FRMD4B: variants seen among roughly 807,000 people sequenced by gnomAD.
The protein encoded by FRMD4B is FERM domain containing 4B.
In FRMD4B, 74 loss-of-function variants were observed where a neutral mutation model predicts 141.5. That is an observed-to-expected ratio of 0.52 (90% CI 0.43 to 0.63). The LOEUF is 0.63. Among genes scored for constraint, FRMD4B ranks in the 30% least tolerant of loss-of-function variants. FRMD4B has a pLI of 0.00. For missense variants in FRMD4B, 1,366 were observed against 1,253.4 expected, an observed-to-expected ratio of 1.09 and a Z score of -1.36; for synonymous variants, 506 against 467.9, an observed-to-expected ratio of 1.08 and a Z score of -1.05.
At chr3:69,351,991 T>C (rs967429445) in intron 1 of FRMD4B, among the ~76,000 whole-genome samples, 12 of 152,222 alleles carry the variant, frequency 7.9e-5, no homozygotes, top group African/African-American at 2.7e-4. Flanking sequence ...ATAGTACCTG[T>C]CTGCAGCAAC....
intron 22 of FRMD4B, 37 bp downstream of exon 22, chr3:69,176,487 A>C (rs2092647608): frequency 6.4e-7 from 1 of 1,574,344 alleles, no homozygotes; most frequent in Non-Finnish European, 8.7e-7. Context: ...TTTGAACTGG[A>C]ACAGGCTCCT....
intron 1 of FRMD4B, among the ~76,000 whole-genome samples, chr3:69,322,266 T>G (rs759321713): frequency 6.6e-6 from 1 of 152,162 alleles, no homozygotes; most frequent in East Asian, 1.9e-4. Flanking sequence ...CAACCCTAGC[T>G]GAACAGGGCC....
intron 7 of FRMD4B, among the ~76,000 whole-genome samples, chr3:69,226,744 G>A (rs1026287134): frequency 2.6e-5 from 4 of 152,140 alleles, no homozygotes; most frequent in African/African-American, 9.7e-5. Context: ...TATGTAGAAC[G>A]AGTGTCATAT....
At chr3:69,403,745 A>C (rs2106758912) in intron 2 of FRMD4B, among the ~76,000 whole-genome samples, 1 of 152,326 alleles carries the variant, frequency 6.6e-6, no homozygotes, top group East Asian at 1.9e-4. Flanking sequence ...TACTCCACTT[A>C]TGAAGTATAG....
At chr3:69,217,115 C>T (rs4241386) in intron 10 of FRMD4B, among the ~76,000 whole-genome samples, 148,531 of 152,312 alleles carry the variant, frequency 0.98, 72,542 homozygotes, top group Middle Eastern at 1. Flanking sequence ...ACAATGAACA[C>T]GGGAATATCG....
intron 1 of FRMD4B, among the ~76,000 whole-genome samples, chr3:69,455,997 A>AT (rs1258952815): frequency 3.9e-5 from 6 of 152,152 alleles, no homozygotes; most frequent in African/African-American, 1.4e-4. Context: ...TTGAGGCTTA[A>AT]TTCAGATTAT....
chr3:69,314,173 A>AAAAT (rs1701717604), intron 1 of FRMD4B, among the ~76,000 whole-genome samples: 1 of 107,110 alleles, frequency 9.3e-6, no homozygotes. Context: ...AAAAAAAAAA[A>AAAAT]GCCTCTCCAT....
Position 69,240,585 on chromosome 3 carries a change from T to A in FRMD4B, c.581+8641A>T, listed in dbSNP as rs564308627. Among the ~76,000 whole-genome samples, 40 of 152,236 alleles carry A rather than the reference T, an allele frequency of 2.6e-4. 1 individual carries two copies. Among genetic ancestry groups the A allele is most frequent in the Non-Finnish European group, 2.6e-4 (18 of 68,006 alleles). ...GGAAAGTCAAAGAAATGTGTTTCTC[T>A]TCTGGGAAACTTCCTACTAGACAAG... On this transcript the variant is annotated intron_variant, in intron 7 of 22. Transcript: ENST00000398540.
Position 69,313,585 on chromosome 3 carries a change from T to C in FRMD4B, c.163-68A>G, listed in dbSNP as rs375492898. ...GGCAAGCAAACCTTTGGACTCGTTG[T>C]ATCATTTATTTTATATGAGATGGGC... On this transcript the variant is annotated intron_variant, in intron 1 of 22. Transcript: ENST00000398540. 6.4e-6 allele frequency: 6 copies of C among 942,178 alleles called. No homozygotes were observed. The African/African-American group carries it at 8.2e-5, about 13-fold the overall frequency. 58.4% of individuals were successfully genotyped at this position (942,178 alleles called of 1,614,324 possible).
chr3:69,231,821 A>T (rs1305878506), intron 7 of FRMD4B, among the ~76,000 whole-genome samples: 1 of 152,202 alleles, frequency 6.6e-6, no homozygotes, highest in Admixed American at 6.5e-5. Flanking sequence ...ACACTGGCAT[A>T]TTATTATAGA....
chr3:69,182,714 T>C lies in FRMD4B; in HGVS notation c.1923A>G (p.Glu641=). ...AAGGGCTGCTGTGTGTGGACAGCATTTCTCTGTGATGATAAAAAGAAGAAT... is the reference window on the plus strand; with the variant it reads ...AAGGGCTGCTGTGTGTGGACAGCATCTCTCTGTGATGATAAAAAGAAGAAT... ...EQFVDTRQSR[E]MLSTHSSPYK... The change falls in exon 20 of 23, where the codon GAA becomes GAG. Residue 641 remains glutamate (E), a synonymous_variant. Coordinates refer to ENST00000398540, the MANE Select transcript of FRMD4B (RefSeq NM_015123.3). 6.2e-7 allele frequency: 1 copy of C among 1,610,938 alleles called. No individual in the cohort carries two copies. The highest frequency in any genetic ancestry group is 8.5e-7 in the Non-Finnish European group (1 of 1,179,006).
At chr3:69,408,796 T>C (rs1704702094) in intron 2 of FRMD4B, among the ~76,000 whole-genome samples, 1 of 151,950 alleles carries the variant, frequency 6.6e-6, no homozygotes, top group South Asian at 2.1e-4. Flanking sequence ...GGGAGGAATT[T>C]CAAGCAGGGA....
intron 1 of FRMD4B, among the ~76,000 whole-genome samples, chr3:69,490,296 T>G (rs1706281481): frequency 6.6e-6 from 1 of 152,262 alleles, no homozygotes; most frequent in Admixed American, 6.5e-5. Context: ...CATGAAGTTT[T>G]CAGCACTAGC....
At chr3:69,386,478 TCTC>T (rs1704258406), upstream of FRMD4B, among the ~76,000 whole-genome samples, 1 of 151,884 alleles carries the variant, frequency 6.6e-6, no homozygotes, top group Non-Finnish European at 1.5e-5. Flanking sequence ...GGACGAGTGG[TCTC>T]CTAATCTGCC....
intron 1 of FRMD4B, among the ~76,000 whole-genome samples, chr3:69,496,987 C>T (rs1015811462): frequency 3.3e-5 from 5 of 151,906 alleles, no homozygotes; most frequent in African/African-American, 9.7e-5. Context: ...TTGCCTACGC[C>T]GAGGAAGGAG....
At chr3:69,449,424 C>T (rs1485434188) in intron 1 of FRMD4B, among the ~76,000 whole-genome samples, 1 of 152,190 alleles carries the variant, frequency 6.6e-6, no homozygotes, top group East Asian at 1.9e-4. Context: ...GTATTTTGTG[C>T]CACATAACCC....
At chr3:69,288,187 G>A (rs975287643) in intron 4 of FRMD4B, among the ~76,000 whole-genome samples, 7 of 152,208 alleles carry the variant, frequency 4.6e-5, no homozygotes, top group East Asian at 3.9e-4. Flanking sequence ...AAAACAAAGC[G>A]CAGATGAACT....
At chr3:69,523,453 C>T (rs919629166) in intron 1 of FRMD4B, among the ~76,000 whole-genome samples, 1 of 152,084 alleles carries the variant, frequency 6.6e-6, no homozygotes, top group Non-Finnish European at 1.5e-5. Context: ...CCAGTGGAAG[C>T]GAGACCCTCC....
rs532433963 is a variant in FRMD4B, at chr3:69,262,055, C to G, written c.502-11956G>C. Among the ~76,000 whole-genome samples, 14 of 152,172 alleles carry G rather than the reference C, an allele frequency of 9.2e-5. No homozygotes were observed. In the South Asian group the frequency reaches 2.9e-3, roughly 32 times the overall value. ...AATACTGGCTCACTGCAACCACTGC[C>G]TCCCAGGTGCAAGCGATTCTCATGC... On this transcript the variant is annotated intron_variant, in intron 5 of 22. Transcript: ENST00000398540.
Sources: gnomAD v4.1 joint callset for allele counts (sites outside exome capture counted in the v4.1 genomes callset) on GRCh38, gnomAD v4.1.1 for gene constraint, MANE v1.5 for transcripts, NCBI Gene and HGNC (gene_info 2026-07-23, HGNC 2026-07-21) for gene names.